The following FARP2 variants were observed in gnomAD, a reference collection of about 807,000 sequenced individuals.
FARP2 encodes FERM, ARH/RhoGEF and pleckstrin domain protein 2.
A neutral mutation model predicts 130.5 loss-of-function variants in FARP2; 111 were observed. The ratio of observed to expected loss-of-function variants is 0.85; its 90% CI spans 0.73 to 1.00. FARP2 has a LOEUF of 1.00. Among genes scored for constraint, FARP2 ranks in the 50% least tolerant of loss-of-function variants. The pLI is 0.00. For missense variants in FARP2, 1,385 were observed against 1,346.3 expected (o/e 1.03, Z -0.45); for synonymous variants, 504 against 516.9 (o/e 0.98, Z 0.34).
At chr2:241,456,086 A>C (rs908601864) in intron 13 of FARP2, among the ~76,000 whole-genome samples, 2 of 152,166 alleles carry the variant, frequency 1.3e-5, no homozygotes, top group African/African-American at 2.4e-5. Flanking sequence ...AATATATTTC[A>C]TCATCTTTAG....
chr2:241,442,561 C>T (rs2063415264), intron 13 of FARP2: 1 of 436,708 alleles, frequency 2.3e-6, no homozygotes, highest in South Asian at 1.6e-5. Context: ...ACAAGGCAAC[C>T]CACTCACCCA....
rs924168207 is a variant in FARP2, at chr2:241,463,393, T to C, written c.1736T>C (p.Leu579Pro). Reference protein sequence around the residue: ...DAMPATLMTLLFSNIDPIYEF... With the variant: ...DAMPATLMTLPFSNIDPIYEF... ...ATGCCTGCGACTCTGATGACGCTGC[T>C]CTTCTCCAACATCGATCCCATCTAT... is the stretch of plus-strand genomic sequence containing the variant. The change falls in exon 16 of 27, where the codon CTC becomes CCC. Residue 579 changes from leucine to proline, a missense_variant. Physicochemically the swap from Leu to Pro is moderately conservative, Grantham distance 98 (BLOSUM62 -3). Coordinates refer to ENST00000264042, the MANE Select transcript of FARP2 (RefSeq NM_014808.4). 6 of 1,614,020 alleles carry C rather than the reference T, an allele frequency of 3.7e-6. No homozygotes were observed. The highest frequency in any genetic ancestry group is 1.3e-5 in the African/African-American group (1 of 74,928).
At chr2:241,357,869 C>G (rs558979348) in intron 1 of FARP2, among the ~76,000 whole-genome samples, 11 of 152,322 alleles carry the variant, frequency 7.2e-5, no homozygotes, top group African/African-American at 2.2e-4. Context: ...ATTCATTTCT[C>G]TCTGCCTCAG....
intron 17 of FARP2, among the ~76,000 whole-genome samples, chr2:241,467,300 T>C (rs951408582): frequency 1.5e-4 from 23 of 152,144 alleles, no homozygotes; most frequent in African/African-American, 4.1e-4. Flanking sequence ...TTTAGTTTAA[T>C]ATGTCTGTGT....
intron 13 of FARP2, chr2:241,445,865 T>C (rs1042367109): frequency 6.6e-6 from 1 of 152,278 alleles, no homozygotes; most frequent in Non-Finnish European, 1.5e-5. Flanking sequence ...GGGGCTGCAC[T>C]GGTAGCTCCC....
At chr2:241,376,982 A>G in intron 2 of FARP2, among the ~76,000 whole-genome samples, 1 of 152,228 alleles carries the variant, frequency 6.6e-6, no homozygotes, top group Admixed American at 6.5e-5. Flanking sequence ...AATGAAATCG[A>G]AAGTTAGATT....
chr2:241,450,850 GCTAAGGCCT>G (rs1210605807), intron 13 of FARP2, among the ~76,000 whole-genome samples: 4 of 152,160 alleles, frequency 2.6e-5, no homozygotes, highest in Non-Finnish European at 5.9e-5. Flanking sequence ...TACTTGGGAG[GCTAAGGCCT>G]GAGAATCGTT....
At chr2:241,366,104 A>ATATATATATATAT (rs1553705628) in intron 1 of FARP2, among the ~76,000 whole-genome samples, 2 of 57,000 alleles carry the variant, frequency 3.5e-5, no homozygotes, top group African/African-American at 6.7e-5. Flanking sequence ...AAAAAAAAAA[A>ATATATATATATAT]ATATATATAT....
At chr2:241,365,811 CT>C (rs1042985591) in intron 1 of FARP2, among the ~76,000 whole-genome samples, 7 of 151,768 alleles carry the variant, frequency 4.6e-5, no homozygotes, top group African/African-American at 1.7e-4. Flanking sequence ...TTAGGACTTG[CT>C]TTTCTAAAAT....
Position 241,449,337 on chromosome 2 carries a change from C to T in FARP2, c.1412-7410C>T, listed in dbSNP as rs370059638. Among the ~76,000 whole-genome samples, 15 of 152,072 alleles carry T rather than the reference C, an allele frequency of 9.9e-5. No homozygotes were observed. In the East Asian group the frequency reaches 1.5e-3, roughly 16 times the overall value. On this transcript the variant is annotated intron_variant, in intron 13 of 26. Coordinates refer to ENST00000264042, the MANE Select transcript of FARP2 (RefSeq NM_014808.4). ...AAAAAAGAAAGACAAAAAAAATAAG[C>T]GTAACAATTCATTCATTGAGCCTCA...
intron 7 of FARP2, among the ~76,000 whole-genome samples, chr2:241,414,952 AG>A (rs1412468909): frequency 6.6e-6 from 1 of 152,180 alleles, no homozygotes; most frequent in Non-Finnish European, 1.5e-5. Context: ...CAAGGGCTGG[AG>A]GTAGAAGTGC....
intron 2 of FARP2, 26 bp downstream of exon 2, chr2:241,373,316 T>C: frequency 7.5e-7 from 1 of 1,342,028 alleles, no homozygotes; most frequent in East Asian, 2.7e-5. Flanking sequence ...TTTGGAGGCA[T>C]ATTTCCTTAT....
At position 241,468,141 on chromosome 2, in the gene FARP2, A is replaced by T. The variant is rs2064222377; in HGVS notation, c.1895A>T (p.Glu632Val). ...ILLRNMRQLK[E>V]FTSYFQRHDE... ...GGCCCCACTCTTGCGCCTCCACAGG[A>T]GTTTACCAGCTACTTCCAAAGACAT... is the stretch of plus-strand genomic sequence containing the variant. Residue 632 changes from glutamate to valine, a missense_variant and splice_region_variant, in exon 18 of 27, where the codon GAG becomes GTG. Glu to Val is a moderately radical substitution (Grantham distance 121). Coordinates refer to ENST00000264042, the MANE Select transcript of FARP2 (RefSeq NM_014808.4). 1.2e-6 allele frequency: 2 copies of T among 1,606,962 alleles called. No individual in the cohort carries two copies. Among genetic ancestry groups the T allele is most frequent in the African/African-American group, 2.7e-5 (2 of 74,906 alleles).
At chr2:241,408,711 A>G (rs548321773) in intron 5 of FARP2, among the ~76,000 whole-genome samples, 39 of 152,310 alleles carry the variant, frequency 2.6e-4, no homozygotes, top group South Asian at 1.0e-3. Flanking sequence ...AAAGAGAACT[A>G]TGATGTTGTA....
At chr2:241,485,444 G>C (rs1395182757) in intron 21 of FARP2, among the ~76,000 whole-genome samples, 6 of 134,846 alleles carry the variant, frequency 4.4e-5, no homozygotes, top group Non-Finnish European at 9.5e-5. Flanking sequence ...CCTTCCTAGA[G>C]TCCTCCCTCC....
intron 7 of FARP2, among the ~76,000 whole-genome samples, chr2:241,417,110 G>A (rs1018210714): frequency 4.6e-5 from 7 of 152,034 alleles, no homozygotes; most frequent in South Asian, 2.1e-4. Flanking sequence ...AGACCAGCCC[G>A]GCCAACATGG....
chr2:241,407,734 C>G, intron 5 of FARP2, 119 bp downstream of exon 5: 1 of 753,372 alleles, frequency 1.3e-6, no homozygotes, highest in Non-Finnish European at 2.2e-6. Flanking sequence ...GAAAAGTGAC[C>G]ATGAGTGTAG....
At chr2:241,440,449 T>A (rs957478918) in intron 12 of FARP2, among the ~76,000 whole-genome samples, 5 of 152,136 alleles carry the variant, frequency 3.3e-5, no homozygotes, top group African/African-American at 9.7e-5. Flanking sequence ...GCATAGCCAC[T>A]GGACATCTGG....
At chr2:241,411,506 C>T (rs376136906) in intron 6 of FARP2, among the ~76,000 whole-genome samples, 27 of 152,302 alleles carry the variant, frequency 1.8e-4, no homozygotes, top group African/African-American at 6.5e-4. Flanking sequence ...TTACAGTCCT[C>T]TCAGATTAGT....
Sources: allele counts gnomAD v4.1 joint callset (sites outside exome capture counted in the v4.1 genomes callset), GRCh38; gene constraint gnomAD v4.1.1; transcripts MANE v1.5; gene names NCBI Gene and HGNC (gene_info 2026-07-23, HGNC 2026-07-21).